SMARCAL1: variants seen among roughly 807,000 people sequenced by gnomAD.
SMARCAL1 encodes the protein ATP-driven annealing helicase.
A neutral mutation model predicts 94.5 loss-of-function variants in SMARCAL1; 58 were observed. That is an observed-to-expected ratio of 0.61 (90% CI 0.50 to 0.76). The LOEUF (loss-of-function observed/expected upper bound fraction) is 0.76. Ranked by LOEUF, SMARCAL1 falls within the 30% of genes least tolerant of loss-of-function variation. SMARCAL1 has a pLI of 0.00. For synonymous variants in SMARCAL1, 422 were observed against 455.1 expected (o/e 0.93, Z 0.93); for missense variants, 1,051 against 1,177.9 (o/e 0.89, Z 1.58).
At chr2:216,448,331 C>T (rs982499971) in intron 11 of SMARCAL1, among the ~76,000 whole-genome samples, 5 of 152,168 alleles carry the variant, frequency 3.3e-5, no homozygotes, top group Non-Finnish European at 7.4e-5. Context: ...CGCAAACAGT[C>T]CACTTTCTAA....
At chr2:216,473,719 A>G (rs1304764160) in intron 14 of SMARCAL1, among the ~76,000 whole-genome samples, 1 of 152,226 alleles carries the variant, frequency 6.6e-6, no homozygotes, top group Non-Finnish European at 1.5e-5. Context: ...TGGTTAGATT[A>G]CTAAATGTTT....
chr2:216,449,747 G>A (rs1001551556), intron 11 of SMARCAL1, among the ~76,000 whole-genome samples: 2 of 152,130 alleles, frequency 1.3e-5, no homozygotes, highest in Non-Finnish European at 2.9e-5. Flanking sequence ...AAAGTAGCAG[G>A]CACACTGGCT....
At chr2:216,415,538 G>GTTTTTTTTTTTTTTTTTTTTTTTTTTTTT in intron 3 of SMARCAL1, 23 bp downstream of exon 3, 2 of 1,399,878 alleles carry the variant, frequency 1.4e-6, no homozygotes. Flanking sequence ...TTTTTCAGCT[G>GTTTTTTTTTTTTTTTTTTTTTTTTTTTTT]TTTTTTTTTT....
chr2:216,459,863 C>A (rs1372079201), intron 12 of SMARCAL1, among the ~76,000 whole-genome samples: 1 of 152,046 alleles, frequency 6.6e-6, no homozygotes, highest in African/African-American at 2.4e-5. Context: ...AGAGCTTCTG[C>A]ACAGCAAAAG....
At chr2:216,432,588 G>C (rs924142656) in intron 7 of SMARCAL1, 130 bp from the exon 8 acceptor site, 1 of 1,039,514 alleles carries the variant, frequency 9.6e-7, no homozygotes, top group Admixed American at 1.9e-5. Flanking sequence ...TGGGGAGCAA[G>C]TCTGGTGGTG....
At chr2:216,429,845 C>G (rs1693925503) in intron 7 of SMARCAL1, among the ~76,000 whole-genome samples, 1 of 152,186 alleles carries the variant, frequency 6.6e-6, no homozygotes, top group Non-Finnish European at 1.5e-5. Context: ...ATCTCTCTTA[C>G]ATAGCACACT....
chr2:216,477,012 G>A (rs1695096678), intron 15 of SMARCAL1, 97 bp from the exon 16 acceptor site: 1 of 932,680 alleles, frequency 1.1e-6, no homozygotes, highest in African/African-American at 1.6e-5. Flanking sequence ...GAGGGTTGTG[G>A]TGGGACTGGA....
At chr2:216,444,659 A>G (rs1197048881) in intron 10 of SMARCAL1, among the ~76,000 whole-genome samples, 1 of 152,184 alleles carries the variant, frequency 6.6e-6, no homozygotes, top group Non-Finnish European at 1.5e-5. Context: ...GTGGGATTAC[A>G]GGTGTGCAGC....
rs527308969 is a variant in SMARCAL1, at chr2:216,482,195, G to A, written c.2626-543G>A. On this transcript the variant is annotated intron_variant, in intron 17 of 17. Transcript: ENST00000357276. The surrounding 1 kb of genome is among the most constrained non-coding windows in gnomAD (Gnocchi z 4.3). ...GCTGGGCACATGGTGGCTCACACCTGTAATCCCAACATTTTGGGTAGCTGA... is the reference window on the plus strand; with the variant it reads ...GCTGGGCACATGGTGGCTCACACCTATAATCCCAACATTTTGGGTAGCTGA... Among the ~76,000 whole-genome samples, 2 of 152,310 alleles carry A rather than the reference G, an allele frequency of 1.3e-5. No homozygotes were observed. Among genetic ancestry groups the A allele is most frequent in the South Asian group, 2.1e-4 (1 of 4,824 alleles).
At chr2:216,432,237 G>A (rs750603342) in intron 7 of SMARCAL1, among the ~76,000 whole-genome samples, 7 of 151,966 alleles carry the variant, frequency 4.6e-5, no homozygotes, top group Admixed American at 1.3e-4. Context: ...CAGGTGATCC[G>A]CCCCACTCAG....
intron 12 of SMARCAL1, among the ~76,000 whole-genome samples, chr2:216,458,941 C>T (rs1038080399): frequency 6.6e-6 from 1 of 152,220 alleles, no homozygotes; most frequent in Admixed American, 6.5e-5. Flanking sequence ...GCCCCATCGT[C>T]TCAGCCCCAA....
chr2:216,446,831 A>G lies in SMARCAL1; in HGVS notation c.1711-187A>G, dbSNP rs1694325584. On this transcript the variant is annotated intron_variant, in intron 10 of 17. Coordinates refer to ENST00000357276, the MANE Select transcript of SMARCAL1 (RefSeq NM_014140.4). ...ACTAGGATAGAGCTCAGCAGAGGGCAGGCAGGGAGGATTTAAAGAAAAGGA... is the reference window on the plus strand; with the variant it reads ...ACTAGGATAGAGCTCAGCAGAGGGCGGGCAGGGAGGATTTAAAGAAAAGGA... The G allele has an allele frequency of 4.3e-6, 3 of 692,070 alleles. No individual in the cohort carries two copies. In the Admixed American group the frequency reaches 6.1e-5, roughly 14 times the overall value. The allele number at this position is 692,070 out of a possible 1,614,324, so 42.9% of individuals were successfully genotyped here. A position where few individuals can be genotyped will look rare whatever the true frequency, so the allele number is the denominator to read the frequency against.
intron 12 of SMARCAL1, chr2:216,451,282 C>T (rs555647165): frequency 2.4e-4 from 134 of 555,416 alleles, no homozygotes; most frequent in Non-Finnish European, 3.5e-4. Context: ...TTGTATAGAT[C>T]GCTGTTGATG....
chr2:216,469,517 C>T (rs1694915095), intron 14 of SMARCAL1, among the ~76,000 whole-genome samples: 1 of 152,040 alleles, frequency 6.6e-6, no homozygotes, highest in Non-Finnish European at 1.5e-5. Context: ...ATCTCCTGAC[C>T]TCATGATCCG....
chr2:216,459,174 G>A (rs996218150), intron 12 of SMARCAL1, among the ~76,000 whole-genome samples: 74 of 152,244 alleles, frequency 4.9e-4, no homozygotes, highest in Non-Finnish European at 2.6e-4. Context: ...CTGGCTCAAC[G>A]AAATAAAAGA....
At chr2:216,481,417 A>C (rs1695196061) in intron 17 of SMARCAL1, among the ~76,000 whole-genome samples, 1 of 152,064 alleles carries the variant, frequency 6.6e-6, no homozygotes. Context: ...GCTGGTCTCT[A>C]ATTCCTGAGC....
chr2:216,467,946 A>AAT lies in SMARCAL1; in HGVS notation c.2149_2150dup (p.Leu718SerfsTer13). On this transcript the variant is annotated frameshift_variant, in exon 14 of 18. Coordinates refer to ENST00000357276, the MANE Select transcript of SMARCAL1 (RefSeq NM_014140.4). LOFTEE classifies it high-confidence loss of function. ...TTTGTTGTCATTGTCAAATGCAGTG[A>AAT]ATATATCTTGGACCTACTGGAAAGT... 4 of 1,590,744 alleles carry AAT rather than the reference A, an allele frequency of 2.5e-6. No individual in the cohort carries two copies. The highest frequency in any genetic ancestry group is 3.5e-6 in the Non-Finnish European group (4 of 1,158,824).
chr2:216,477,512 G>A (rs1258272181), intron 16 of SMARCAL1, among the ~76,000 whole-genome samples: 1 of 152,278 alleles, frequency 6.6e-6, no homozygotes, highest in South Asian at 2.1e-4. Context: ...ATGGAATTTA[G>A]TTTGTAAAAC....
intron 12 of SMARCAL1, among the ~76,000 whole-genome samples, chr2:216,459,708 G>A (rs1307312999): frequency 6.6e-5 from 10 of 151,858 alleles, no homozygotes. Context: ...AGACTTAAAT[G>A]TTAGACCTAA....
Sources: gnomAD v4.1 joint callset for allele counts (sites outside exome capture counted in the v4.1 genomes callset) on GRCh38, gnomAD v4.1.1 for gene constraint, Gnocchi (gnomAD v3.1) non-coding constraint, MANE v1.5 for transcripts, NCBI Gene and HGNC (gene_info 2026-07-23, HGNC 2026-07-21) for gene names.